ASTN2: variants seen among roughly 807,000 people sequenced by gnomAD.
ASTN2 encodes the protein astrotactin-2.
A neutral mutation model predicts 139.8 loss-of-function variants in ASTN2; 54 were observed. The observed-to-expected ratio is 0.39, with a 90% confidence interval of 0.31 to 0.48. The LOEUF (loss-of-function observed/expected upper bound fraction) is 0.48. Ranked by LOEUF, ASTN2 falls within the 20% of genes least tolerant of loss-of-function variation. The pLI, the probability that ASTN2 is intolerant of heterozygous loss-of-function variation, is 0.95. For missense variants in ASTN2, 1,565 were observed against 1,725.1 expected (o/e 0.91, Z 1.64); for synonymous variants, 756 against 719.5 (o/e 1.05, Z -0.81).
chr9:116,596,310 G>A (rs903389326), intron 19 of ASTN2, among the ~76,000 whole-genome samples: 1 of 152,212 alleles, frequency 6.6e-6, no homozygotes, highest in African/African-American at 2.4e-5. Context: ...TTTCAATGGA[G>A]TATAAAGTTT....
At chr9:117,406,857 A>AACACAC (rs59125408) in intron 1 of ASTN2, among the ~76,000 whole-genome samples, 1,599 of 144,322 alleles carry the variant, frequency 0.011, 10 homozygotes, top group Middle Eastern at 0.021. Context: ...ATTGTCCCCT[A>AACACAC]ACACACACAC....
At chr9:117,200,474 T>C (rs1463814650) in intron 3 of ASTN2, among the ~76,000 whole-genome samples, 1 of 152,178 alleles carries the variant, frequency 6.6e-6, no homozygotes, top group Non-Finnish European at 1.5e-5. Flanking sequence ...GCTTTTCCCA[T>C]TCAATATGAT....
rs1264736912 is a variant in ASTN2, at chr9:116,487,428, T to C, written c.3428A>G (p.His1143Arg). ...GATACTGACTTCAGGGACCTCTCCA[T>C]GGCTTCGACCAGCTGCTACACAAGA... is the stretch of plus-strand genomic sequence containing the variant. ...GTSCVAAGRSHGEVPEVSIYS... is the reference protein window; with the variant it reads ...GTSCVAAGRSRGEVPEVSIYS... The change falls in exon 20 of 23, where the codon CAT (histidine) becomes CGT (arginine). Residue 1143 changes from histidine to arginine, a missense_variant. By Grantham distance (29) the His-to-Arg change is conservative. This residue lies in a region of ASTN2 where 418 missense variants were observed against 465.8 expected (regional missense o/e 0.90). Transcript: ENST00000313400. 1 of 1,614,052 alleles carries C rather than the reference T, an allele frequency of 6.2e-7. No individual in the cohort carries two copies. The highest frequency in any genetic ancestry group is 8.5e-7 in the Non-Finnish European group (1 of 1,179,974).
intron 11 of ASTN2, among the ~76,000 whole-genome samples, chr9:116,856,365 T>G (rs1170653179): frequency 1.3e-5 from 2 of 152,104 alleles, no homozygotes; most frequent in Admixed American, 1.3e-4. Context: ...TGTAGGAGGG[T>G]TACATGCCCA....
At chr9:117,370,710 T>C (rs1587988649) in intron 1 of ASTN2, among the ~76,000 whole-genome samples, 1 of 95,978 alleles carries the variant, frequency 1.0e-5, no homozygotes, top group Non-Finnish European at 2.6e-5. Context: ...TGTCAAACTC[T>C]TTTTTTTCCC....
At chr9:116,974,506 C>CCT (rs1836291584) in intron 10 of ASTN2, among the ~76,000 whole-genome samples, 1 of 110,920 alleles carries the variant, frequency 9.0e-6, no homozygotes, top group Non-Finnish European at 1.8e-5. Flanking sequence ...TTAGCCTGGA[C>CCT]TTTTTTTTTT....
chr9:116,698,860 T>C lies in ASTN2; in HGVS notation c.2806+26911A>G. Reference sequence around the variant, plus strand: ...GGCAGCACTCCAGGAATGTTCAATCTTCCAGTCAGTCTCTACGTGACCAGT... The same window carrying C: ...GGCAGCACTCCAGGAATGTTCAATCCTCCAGTCAGTCTCTACGTGACCAGT... On this transcript the variant is annotated intron_variant, in intron 16 of 22. Transcript: ENST00000313400. The surrounding 1 kb of genome is among the most constrained non-coding windows in gnomAD (Gnocchi z 4.4). 1 of 1,614,220 alleles carries C rather than the reference T, an allele frequency of 6.2e-7. No homozygotes were observed. The highest frequency in any genetic ancestry group is 1.1e-5 in the South Asian group (1 of 91,080).
intron 17 of ASTN2, among the ~76,000 whole-genome samples, chr9:116,633,898 A>G (rs549635043): frequency 6.6e-6 from 1 of 152,298 alleles, no homozygotes; most frequent in Admixed American, 6.5e-5. Context: ...GAAGTGGTAG[A>G]TTCTTATCAG....
chr9:116,805,890 C>A, intron 12 of ASTN2, 70 bp from the exon 13 acceptor site: 2 of 1,491,028 alleles, frequency 1.3e-6, no homozygotes, highest in South Asian at 1.3e-5. Context: ...GACCTAAAAC[C>A]AAGGCCTCCT....
At chr9:116,459,418 A>G (rs1008460482) in intron 20 of ASTN2, among the ~76,000 whole-genome samples, 2 of 152,086 alleles carry the variant, frequency 1.3e-5, no homozygotes, top group African/African-American at 4.8e-5. Context: ...ATTGGACTTT[A>G]TCAAAATTTA....
At chr9:116,925,469 C>T (rs1408762010) in intron 10 of ASTN2, among the ~76,000 whole-genome samples, 3 of 152,182 alleles carry the variant, frequency 2.0e-5, no homozygotes, top group Non-Finnish European at 4.4e-5. Context: ...CTCAGAACAA[C>T]AGACAAGTCA....
chr9:116,696,891 T>A (rs1177987668), intron 16 of ASTN2, among the ~76,000 whole-genome samples: 1 of 151,318 alleles, frequency 6.6e-6, no homozygotes, highest in Non-Finnish European at 1.5e-5. Context: ...CACAATTTTC[T>A]GCTTCTGTGG....
chr9:117,378,176 C>T (rs543007837), intron 1 of ASTN2, among the ~76,000 whole-genome samples: 2 of 152,296 alleles, frequency 1.3e-5, no homozygotes, highest in African/African-American at 4.8e-5. Flanking sequence ...GGTAGGTTCA[C>T]ATCATCATTT....
intron 5 of ASTN2, among the ~76,000 whole-genome samples, chr9:117,052,887 G>A (rs1838954428): frequency 6.6e-6 from 1 of 152,210 alleles, no homozygotes; most frequent in Non-Finnish European, 1.5e-5. Flanking sequence ...ACAGAATATA[G>A]ACAGGTGGAC....
chr9:117,089,933 G>A (rs886358894), intron 5 of ASTN2, among the ~76,000 whole-genome samples: 4 of 152,068 alleles, frequency 2.6e-5, no homozygotes, highest in Non-Finnish European at 4.4e-5. Flanking sequence ...ATTGATTGAT[G>A]GGCAACAAAT....
At chr9:117,294,080 T>C (rs963199080) in intron 1 of ASTN2, among the ~76,000 whole-genome samples, 5 of 152,240 alleles carry the variant, frequency 3.3e-5, no homozygotes, top group African/African-American at 1.2e-4. Context: ...TTAAAGAGGC[T>C]TCCCCTTTCC....
chr9:117,001,295 A>C (rs1310907942), intron 7 of ASTN2, among the ~76,000 whole-genome samples: 2 of 152,208 alleles, frequency 1.3e-5, no homozygotes, highest in Non-Finnish European at 2.9e-5. Context: ...CACTTTTGAC[A>C]TATCAAGACC....
chr9:116,708,525 A>G (rs7867325), intron 16 of ASTN2, among the ~76,000 whole-genome samples: 6,856 of 152,228 alleles, frequency 0.045, 532 homozygotes, highest in African/African-American at 0.16. Flanking sequence ...CTTCAGGAGC[A>G]CAGTAAACAC....
chr9:116,666,949 C>CTTTTTTTTTTTT (rs34835904), intron 16 of ASTN2, among the ~76,000 whole-genome samples: 15 of 70,332 alleles, frequency 2.1e-4, no homozygotes, highest in Non-Finnish European at 3.0e-4. Flanking sequence ...TTTATTTATT[C>CTTTTTTTTTTTT]TTTTTTTTTT....
Sources: allele counts gnomAD v4.1 joint callset (sites outside exome capture counted in the v4.1 genomes callset), GRCh38; gene constraint gnomAD v4.1.1; regional missense constraint gnomAD v4.1.1; non-coding constraint Gnocchi (gnomAD v3.1); transcripts MANE v1.5; gene names NCBI Gene and HGNC (gene_info 2026-07-23, HGNC 2026-07-21).